Variants in PLCB3 observed in about 807,000 individuals in gnomAD.
PLCB3 encodes 1-phosphatidylinositol 4,5-bisphosphate phosphodiesterase beta-3.
Under a neutral mutation model 152.1 loss-of-function variants are expected in PLCB3, and 54 were observed. The observed-to-expected ratio is 0.36, with a 90% CI of 0.29 to 0.45. The LOEUF is 0.45. Ranked by LOEUF, PLCB3 falls within the 20% of genes least tolerant of loss-of-function variation. PLCB3 has a pLI of 1.00. For missense variants in PLCB3, 1,248 were observed against 1,687.5 expected, an observed-to-expected ratio of 0.74 and a Z score of 4.56; for synonymous variants, 717 against 698.7, an observed-to-expected ratio of 1.03 and a Z score of -0.41.
At position 64,256,456 on chromosome 11, in the gene PLCB3, A is replaced by G; in HGVS notation, c.779A>G (p.Asn260Ser). 1.2e-6 allele frequency: 2 copies of G among 1,613,790 alleles called. No individual in the cohort carries two copies. Among genetic ancestry groups the G allele is most frequent in the South Asian group, 1.1e-5 (1 of 91,082 alleles). Residue 260 changes from asparagine (N) to serine (S), a missense_variant, in exon 9 of 31, where the codon AAC (asparagine) becomes AGC (serine). Physicochemically the swap from Asn to Ser is conservative, Grantham distance 46. Transcript: ENST00000279230. The part of the protein sequence containing the change: ...INQKQRDPRL[N>S]EVLYPPLRPS... ...CAGAAGCAACGCGACCCGAGACTCA[A>G]CGAAGTGCTGTACCCGCCCCTGCGG...
chr11:64,256,194 AGTC>A (rs1236064899), intron 8 of PLCB3, among the ~76,000 whole-genome samples, 179 bp from the exon 9 acceptor site: 4 of 152,116 alleles, frequency 2.6e-5, no homozygotes, highest in African/African-American at 9.7e-5. Flanking sequence ...AATCCTGAGT[AGTC>A]AGGAGAGTAA....
chr11:64,267,214 C>G lies in PLCB3; in HGVS notation c.3444C>G (p.Asp1148Glu). ...AGGAGGCCCAGAAGCAGCGGCATGA[C>G]CGTCTTGTGGCTGGGCAGCAGCAGG... ...RLEEAQKQRH[D>E]RLVAGQQQVL... Residue 1148 changes from aspartate (D) to glutamate (E), a missense_variant, in exon 30 of 31, where the codon GAC becomes GAG. By Grantham distance (45) the Asp-to-Glu change is conservative. Around this residue, in one of 6 missense-constraint regions of PLCB3, gnomAD observed 477 missense variants for 489.6 expected, o/e 0.97. Coordinates refer to ENST00000279230, the MANE Select transcript of PLCB3 (RefSeq NM_000932.5). This position sits in a 1 kb window ranked among gnomAD's most constrained non-coding sequence, Gnocchi z 5.2. 1 of 1,550,614 alleles carries G rather than the reference C, an allele frequency of 6.4e-7. No homozygotes were observed.
Position 64,265,870 on chromosome 11 carries a change from G to T in PLCB3, c.3036-16G>T, listed in dbSNP as rs750634729. ...GTGACGGGCCCAGGCATCACCCAGA[G>T]GGGTTCTCCTCGCAGAGGTGGGGCC... On this transcript the variant is annotated splice_polypyrimidine_tract_variant and intron_variant, in intron 25 of 30. Coordinates refer to ENST00000279230, the MANE Select transcript of PLCB3 (RefSeq NM_000932.5). The T allele has an allele frequency of 3.7e-6, 6 of 1,610,962 alleles. No homozygotes were observed. In the African/African-American group the frequency reaches 8.0e-5, roughly 22 times the overall value.
intron 22 of PLCB3, 143 bp downstream of exon 22, chr11:64,264,255 C>T: frequency 3.7e-6 from 2 of 540,342 alleles, no homozygotes; most frequent in Admixed American, 3.7e-5. Flanking sequence ...GAGATGAAAA[C>T]CACCCATTTG....
downstream of PLCB3, chr11:64,268,664 G>C (rs1049552975): frequency 6.6e-6 from 1 of 152,470 alleles, no homozygotes; most frequent in Non-Finnish European, 1.5e-5. Context: ...AAGTGGCAGA[G>C]AGCCCACAGT....
chr11:64,267,108 T>A lies in PLCB3; in HGVS notation c.3415-77T>A. On this transcript the variant is annotated intron_variant, in intron 29 of 30. Transcript: ENST00000279230. The surrounding 1 kb of genome is among the most constrained non-coding windows in gnomAD (Gnocchi z 5.2). ...TGCACCCGGCCTCGCCCACCTGACT[T>A]CTATACCCAGCCAGAGCCTCGAGGC... is the stretch of plus-strand genomic sequence containing the variant. The A allele has an allele frequency of 7.3e-7, 1 of 1,368,118 alleles. No homozygotes were observed. Among genetic ancestry groups the A allele is most frequent in the Non-Finnish European group, 1.0e-6 (1 of 983,240 alleles). 84.7% of individuals were successfully genotyped at this position (1,368,118 alleles called of 1,614,324 possible).
downstream of PLCB3, among the ~76,000 whole-genome samples, chr11:64,268,133 A>T (rs1326115052): frequency 6.6e-6 from 1 of 151,894 alleles, no homozygotes; most frequent in Non-Finnish European, 1.5e-5. Flanking sequence ...CTGTTCCCCC[A>T]TCCCCATGAC....
chr11:64,268,759 G>A (rs2032269925), downstream of PLCB3: 1 of 152,324 alleles, frequency 6.6e-6, no homozygotes, highest in Non-Finnish European at 1.5e-5. Flanking sequence ...GCTCTTCCCA[G>A]GCTGCCCGCC....
At chr11:64,254,375 C>T (rs1176752724) in intron 1 of PLCB3, 40 bp from the exon 2 acceptor site, 3 of 1,530,752 alleles carry the variant, frequency 2.0e-6, no homozygotes, top group South Asian at 1.1e-5. Context: ...TGCACCACAG[C>T]CCTCACTTCC....
At chr11:64,261,832 T>C in intron 16 of PLCB3, 120 bp from the exon 17 acceptor site, 6 of 1,505,114 alleles carry the variant, frequency 4.0e-6, no homozygotes, top group Middle Eastern at 2.1e-4. Flanking sequence ...TCAGGGGGCA[T>C]GGCTAGGCTA....
chr11:64,262,109 C>A, intron 17 of PLCB3, 33 bp downstream of exon 17: 1 of 1,613,442 alleles, frequency 6.2e-7, no homozygotes, highest in Non-Finnish European at 8.5e-7. Flanking sequence ...TTGACCCCGA[C>A]CCTCAGTCTT....
intron 14 of PLCB3, 45 bp from the exon 15 acceptor site, chr11:64,261,355 G>A (rs1041362181): frequency 2.1e-6 from 3 of 1,405,850 alleles, no homozygotes; most frequent in African/African-American, 2.8e-5. Flanking sequence ...GGAATGGCCA[G>A]CTGTGGCGGG....
intron 21 of PLCB3, 65 bp downstream of exon 21, chr11:64,263,860 G>A: frequency 7.3e-7 from 1 of 1,375,876 alleles, no homozygotes. Context: ...CACCCCCAGG[G>A]CCTGGGAGTG....
chr11:64,267,400 C>A lies in PLCB3; in HGVS notation c.3549C>A (p.Leu1183=). ...AQECQEQRAR[L]PQEIRRSLLG... is the part of the protein sequence containing the mutation. ...AGTGTCAGGAGCAGCGGGCGAGGCT[C>A]CCCCAGGAGATCCGCCGGAGCCTGC... is the stretch of plus-strand genomic sequence containing the variant. Residue 1183 remains leucine, a synonymous_variant, in exon 31 of 31, where the codon CTC becomes CTA. Coordinates refer to ENST00000279230, the MANE Select transcript of PLCB3 (RefSeq NM_000932.5). This position sits in a 1 kb window ranked among gnomAD's most constrained non-coding sequence, Gnocchi z 5.2. The A allele has an allele frequency of 3.9e-6, 6 of 1,541,114 alleles. No individual in the cohort carries two copies. Among genetic ancestry groups the A allele is most frequent in the Non-Finnish European group, 5.3e-6 (6 of 1,142,202 alleles).
At position 64,258,531 on chromosome 11, in the gene PLCB3, C is replaced by T. The variant is rs143268643; in HGVS notation, c.1071C>T (p.Gly357=). 1.9e-6 allele frequency: 3 copies of T among 1,613,692 alleles called. No homozygotes were observed. The African/African-American group carries it at 4.0e-5, about 22-fold the overall frequency. ...VEMYRQALLW[G]CRCVELDVWK... is the part of the protein sequence containing the mutation. ...TGTACCGCCAGGCACTACTATGGGG[C>T]TGCCGCTGCGTGGAGCTGGACGTGT... Residue 357 remains glycine, a synonymous_variant, in exon 11 of 31, where the codon GGC becomes GGT. Coordinates refer to ENST00000279230, the MANE Select transcript of PLCB3 (RefSeq NM_000932.5). This position sits in a 1 kb window ranked among gnomAD's most constrained non-coding sequence, Gnocchi z 7.2.
rs771180100 is a variant in PLCB3 at position 64,263,616 on chromosome 11, C to G, written c.2455+19C>G. The G allele has an allele frequency of 6.2e-7, 1 of 1,607,250 alleles. No individual in the cohort carries two copies. Among genetic ancestry groups the G allele is most frequent in the Non-Finnish European group, 8.5e-7 (1 of 1,174,822 alleles). ...CGCTCCGGTGAGGCCTTGGTGGGCT[C>G]TGGGCAGCACAGCGGGCAGTGGGTA... On this transcript the variant is annotated intron_variant, in intron 20 of 30. Transcript: ENST00000279230.
Position 64,258,843 on chromosome 11 carries a change from C to T in PLCB3, c.1254-42C>T. On this transcript the variant is annotated intron_variant, in intron 11 of 30. Coordinates refer to ENST00000279230, the MANE Select transcript of PLCB3 (RefSeq NM_000932.5). The surrounding 1 kb of genome is among the most constrained non-coding windows in gnomAD (Gnocchi z 7.2). ...CATGTCCCGTAGACCTCAGCTTCCT[C>T]TCTGGGGGAGGGATCTCTGACCTCT... The T allele has an allele frequency of 6.2e-7, 1 of 1,611,382 alleles. No individual in the cohort carries two copies. Among genetic ancestry groups the T allele is most frequent in the South Asian group, 1.1e-5 (1 of 91,032 alleles).
In PLCB3 at chr11:64,265,024, C is replaced by T. The variant is rs373585561; in HGVS notation, c.2726C>T (p.Thr909Ile). ...QLGSQPSSNPTPSPLDASPRR... is the reference protein window; with the variant it reads ...QLGSQPSSNPIPSPLDASPRR... ...GGGTCTCAGCCGTCCTCAAACCCCA[C>T]CCCCAGCCCACTGGATGCCTCCCCC... is the stretch of plus-strand genomic sequence containing the variant. Residue 909 changes from threonine (T) to isoleucine (I), a missense_variant, in exon 23 of 31, where the codon ACC becomes ATC. Around this residue, in one of 6 missense-constraint regions of PLCB3, gnomAD observed 477 missense variants for 489.6 expected, o/e 0.97. Transcript: ENST00000279230. 27 of 1,593,054 alleles carry T rather than the reference C, an allele frequency of 1.7e-5. No homozygotes were observed. Among genetic ancestry groups the T allele is most frequent in the Non-Finnish European group, 2.2e-5 (26 of 1,167,692 alleles).
At chr11:64,261,718 C>A in intron 16 of PLCB3, 53 bp downstream of exon 16, 1 of 1,531,364 alleles carries the variant, frequency 6.5e-7, no homozygotes, top group African/African-American at 1.4e-5. Flanking sequence ...CGCTCGGAGG[C>A]CGGCTCCGGT....
Sources: allele counts gnomAD v4.1 joint callset (sites outside exome capture counted in the v4.1 genomes callset), GRCh38; gene constraint gnomAD v4.1.1; regional missense constraint gnomAD v4.1.1; non-coding constraint Gnocchi (gnomAD v3.1); transcripts MANE v1.5; gene names NCBI Gene and HGNC (gene_info 2026-07-23, HGNC 2026-07-21).